Variants in NSMCE4A observed in about 807,000 individuals in gnomAD.
NSMCE4A encodes the protein non-structural maintenance of chromosomes element 4 homolog A.
In NSMCE4A, 40 loss-of-function variants were observed where a neutral mutation model predicts 47.9. That is an observed-to-expected ratio of 0.83 (90% CI 0.65 to 1.09). The LOEUF is 1.09. Among genes scored for constraint, NSMCE4A ranks in the 50% least tolerant of loss-of-function variants. The pLI is 0.00. For synonymous variants in NSMCE4A, 166 were observed against 178.5 expected, an observed-to-expected ratio of 0.93 and a Z score of 0.56; for missense variants, 500 against 507.0, an observed-to-expected ratio of 0.99 and a Z score of 0.13.
intron 2 of NSMCE4A, among the ~76,000 whole-genome samples, chr10:121,971,327 G>A (rs1006489346): frequency 8.5e-5 from 13 of 152,126 alleles, no homozygotes; most frequent in East Asian, 1.9e-4. Flanking sequence ...TGGCTAACAC[G>A]GTGAAACCCC....
chr10:121,959,092 C>T (rs1000321136), intron 10 of NSMCE4A, among the ~76,000 whole-genome samples: 14 of 152,102 alleles, frequency 9.2e-5, no homozygotes, highest in African/African-American at 2.4e-4. Flanking sequence ...GGATTACAGG[C>T]GTGAGCCACC....
Position 121,960,070 on chromosome 10 carries a change from A to C in NSMCE4A, c.988+288T>G, listed in dbSNP as rs1162722652. ...TGACAAAACGTGATTAGAAAGAGGGATACTACAAAAATGACTGCAATCACC... is the reference window on the plus strand; with the variant it reads ...TGACAAAACGTGATTAGAAAGAGGGCTACTACAAAAATGACTGCAATCACC... On this transcript the variant is annotated intron_variant, in intron 8 of 10. Transcript: ENST00000369023. The surrounding 1 kb of genome is among the most constrained non-coding windows in gnomAD (Gnocchi z 4.2). 3.2e-6 allele frequency: 1 copy of C among 310,298 alleles called. No homozygotes were observed. Among genetic ancestry groups the C allele is most frequent in the African/African-American group, 2.2e-5 (1 of 46,112 alleles). 19.2% of individuals were successfully genotyped at this position (310,298 alleles called of 1,614,324 possible).
At chr10:121,957,928 T>C (rs1283132580) in intron 10 of NSMCE4A, among the ~76,000 whole-genome samples, 1 of 151,660 alleles carries the variant, frequency 6.6e-6, no homozygotes, top group Non-Finnish European at 1.5e-5. Flanking sequence ...TATTTATAGA[T>C]TAAAAAAAAA....
At position 121,975,021 on chromosome 10, in the gene NSMCE4A, C is replaced by A; in HGVS notation, c.145G>T (p.Ala49Ser). 4 of 1,498,494 alleles carry A rather than the reference C, an allele frequency of 2.7e-6. No homozygotes were observed. The highest frequency in any genetic ancestry group is 3.5e-6 in the Non-Finnish European group (4 of 1,128,990). 92.8% of individuals were successfully genotyped at this position (1,498,494 alleles called of 1,614,324 possible). Reference protein sequence around the residue: ...RRGSARERREAPERPSLEDTE... With the variant: ...RRGSARERRESPERPSLEDTE... ...TCCTCCAGGCTCGGGCGCTCTGGGG[C>A]CTCTCTGCGCTCCCGCGCAGAGCCG... Residue 49 changes from alanine (A) to serine (S), a missense_variant, in exon 1 of 11, where the codon GCC becomes TCC. Physicochemically the swap from Ala to Ser is moderately conservative, Grantham distance 99. Coordinates refer to ENST00000369023, the MANE Select transcript of NSMCE4A (RefSeq NM_017615.3).
At chr10:121,974,367 C>T in intron 1 of NSMCE4A, 1 of 1,163,154 alleles carries the variant, frequency 8.6e-7, no homozygotes. Context: ...GAGTGGTTCT[C>T]AAACTTTGCA....
intron 7 of NSMCE4A, among the ~76,000 whole-genome samples, chr10:121,961,056 T>C (rs187934174): frequency 2.0e-3 from 311 of 152,354 alleles, no homozygotes; most frequent in African/African-American, 6.8e-3. Context: ...GTGAGAATGA[T>C]AGGCGGCCTG....
chr10:121,963,196 G>C, intron 6 of NSMCE4A, 42 bp downstream of exon 6: 2 of 1,252,704 alleles, frequency 1.6e-6, no homozygotes, highest in Non-Finnish European at 2.3e-6. Flanking sequence ...TCAGTGAACA[G>C]ATAAATACAA....
chr10:121,972,431 C>T (rs1952733003), intron 2 of NSMCE4A, among the ~76,000 whole-genome samples: 1 of 152,132 alleles, frequency 6.6e-6, no homozygotes, highest in Admixed American at 6.6e-5. Context: ...GTATCCTGTG[C>T]CTGCCTGCCC....
intron 5 of NSMCE4A, 79 bp downstream of exon 5, chr10:121,965,207 G>T: frequency 2.0e-6 from 2 of 981,664 alleles, no homozygotes; most frequent in Non-Finnish European, 3.1e-6. Context: ...TAGAAAAAAT[G>T]GCCAAATTGC....
At chr10:121,965,033 G>A (rs1423419466) in intron 5 of NSMCE4A, among the ~76,000 whole-genome samples, 1 of 152,116 alleles carries the variant, frequency 6.6e-6, no homozygotes, top group Non-Finnish European at 1.5e-5. Context: ...ACATTATCCA[G>A]CCGTAAATGT....
At chr10:121,973,954 TAATTA>T (rs1186225682) in intron 2 of NSMCE4A, 45 bp downstream of exon 2, 1 of 1,274,986 alleles carries the variant, frequency 7.8e-7, no homozygotes, top group East Asian at 2.5e-5. Context: ...TATGTAACAC[TAATTA>T]AAAGTATCAT....
At chr10:121,973,834 T>C (rs1057371504) in intron 2 of NSMCE4A, among the ~76,000 whole-genome samples, 170 bp downstream of exon 2, 4 of 152,176 alleles carry the variant, frequency 2.6e-5, no homozygotes, top group African/African-American at 9.7e-5. Context: ...GCCCTTATTA[T>C]ATGGTAAGTG....
At chr10:121,972,716 A>G (rs1457840727) in intron 2 of NSMCE4A, among the ~76,000 whole-genome samples, 1 of 152,178 alleles carries the variant, frequency 6.6e-6, no homozygotes, top group Non-Finnish European at 1.5e-5. Flanking sequence ...TGCGAAGGGA[A>G]GACAAAACTT....
chr10:121,961,664 G>A (rs995998383), intron 6 of NSMCE4A, 147 bp from the exon 7 acceptor site: 1 of 517,606 alleles, frequency 1.9e-6, no homozygotes. Flanking sequence ...GGCCAATTTG[G>A]CATCTCTACT....
Position 121,959,397 on chromosome 10 carries a change from G to A in NSMCE4A, c.1097C>T (p.Thr366Ile). 1 of 1,614,200 alleles carries A rather than the reference G, an allele frequency of 6.2e-7. No individual in the cohort carries two copies. The highest frequency in any genetic ancestry group is 8.5e-7 in the Non-Finnish European group (1 of 1,180,042). Reference sequence around the variant, plus strand: ...AATCACAGGCTCTGAAATCTCAAAGGTCTTCACAATCTCCTGGCAGACAAT... The same window carrying A: ...AATCACAGGCTCTGAAATCTCAAAGATCTTCACAATCTCCTGGCAGACAAT... ...SYRDWEEIVK[T>I]FEISEPVITP... Residue 366 changes from threonine to isoleucine, a missense_variant, in exon 10 of 11, where the codon ACC becomes ATC. Physicochemically the swap from Thr to Ile is moderately conservative, Grantham distance 89. Transcript: ENST00000369023.
intron 6 of NSMCE4A, 23 bp from the exon 7 acceptor site, chr10:121,961,540 A>T: frequency 6.7e-7 from 1 of 1,493,342 alleles, no homozygotes; most frequent in Non-Finnish European, 9.0e-7. Flanking sequence ...AGAGAAAAAA[A>T]AATTGATTTT....
At chr10:121,962,713 A>T (rs755452602) in intron 6 of NSMCE4A, among the ~76,000 whole-genome samples, 38 of 152,080 alleles carry the variant, frequency 2.5e-4, no homozygotes, top group Non-Finnish European at 5.1e-4. Context: ...CCCGGGTTCA[A>T]GCGATTCTCC....
At position 121,965,291 on chromosome 10, in the gene NSMCE4A, C is replaced by A. The variant is rs755939632; in HGVS notation, c.748G>T (p.Ala250Ser). ...AGCAACATTTTAAAACAAACCTGGG[C>A]AGGCATTGCCCTCTCCTCTTGTATC... Reference protein sequence around the residue: ...PVIQEERAMPAQLRRMEESHQ... With the variant: ...PVIQEERAMPSQLRRMEESHQ... Residue 250 changes from alanine (A) to serine (S), a missense_variant, in exon 5 of 11, where the codon GCC (alanine) becomes TCC (serine). Physicochemically the swap from Ala to Ser is moderately conservative, Grantham distance 99. Transcript: ENST00000369023. The A allele has an allele frequency of 6.2e-7, 1 of 1,605,826 alleles. No individual in the cohort carries two copies. Among genetic ancestry groups the A allele is most frequent in the Non-Finnish European group, 8.5e-7 (1 of 1,175,404 alleles).
chr10:121,971,075 CA>C lies in NSMCE4A; in HGVS notation c.371-7del, dbSNP rs1393215408. On this transcript the variant is annotated splice_region_variant and splice_polypyrimidine_tract_variant and intron_variant, in intron 2 of 10. Coordinates refer to ENST00000369023, the MANE Select transcript of NSMCE4A (RefSeq NM_017615.3). Reference sequence around the variant, plus strand: ...TGCTTCTCTTGCTCGGGACACTATTCAAAAAAGAAAGAAAATATTCACATTA... The same window carrying C: ...TGCTTCTCTTGCTCGGGACACTATTCAAAAAGAAAGAAAATATTCACATTA... 5 of 1,596,962 alleles carry C rather than the reference CA, an allele frequency of 3.1e-6. No homozygotes were observed. The highest frequency in any genetic ancestry group is 4.3e-6 in the Non-Finnish European group (5 of 1,173,108).
Sources: gnomAD v4.1 joint callset for allele counts (sites outside exome capture counted in the v4.1 genomes callset) on GRCh38, gnomAD v4.1.1 for gene constraint, Gnocchi (gnomAD v3.1) non-coding constraint, MANE v1.5 for transcripts, NCBI Gene and HGNC (gene_info 2026-07-23, HGNC 2026-07-21) for gene names.